SMARCAL1: variants seen among roughly 807,000 people sequenced by gnomAD.
SMARCAL1 encodes the protein SNF2 related chromatin remodeling annealing helicase 1, also known as ATP-driven annealing helicase.
A neutral mutation model predicts 94.5 loss-of-function variants in SMARCAL1; 58 were observed. That is an observed-to-expected ratio of 0.61 (90% confidence interval 0.50 to 0.76). The LOEUF (loss-of-function observed/expected upper bound fraction) is 0.76. Ranked by LOEUF, SMARCAL1 falls within the 30% of genes least tolerant of loss-of-function variation. The pLI, the probability that SMARCAL1 is intolerant of heterozygous loss-of-function variation, is 0.00. For synonymous variants in SMARCAL1, 422 were observed against 455.1 expected, an observed-to-expected ratio of 0.93 and a Z score of 0.93; for missense variants, 1,051 against 1,177.9, an observed-to-expected ratio of 0.89 and a Z score of 1.58.
At chr2:216,481,712 C>T (rs1390752840) in intron 17 of SMARCAL1, among the ~76,000 whole-genome samples, 1 of 152,018 alleles carries the variant, frequency 6.6e-6, no homozygotes, top group East Asian at 1.9e-4. Flanking sequence ...ACCACGTTGG[C>T]CAGGCTGGTC....
chr2:216,417,813 G>A (rs1693632754), intron 4 of SMARCAL1, among the ~76,000 whole-genome samples: 2 of 152,190 alleles, frequency 1.3e-5, no homozygotes, highest in Admixed American at 6.5e-5. Flanking sequence ...TTAAACCAGT[G>A]GTTTCCCCTG....
intron 5 of SMARCAL1, among the ~76,000 whole-genome samples, chr2:216,421,307 T>C (rs1016582445): frequency 1.3e-5 from 2 of 152,156 alleles, no homozygotes; most frequent in Non-Finnish European, 2.9e-5. Context: ...TTTTATTTTA[T>C]TTATTTTTGA....
intron 10 of SMARCAL1, among the ~76,000 whole-genome samples, chr2:216,444,475 A>G (rs796339776): frequency 6.6e-5 from 10 of 151,796 alleles, no homozygotes; most frequent in African/African-American, 1.9e-4. Flanking sequence ...TCTTTTTTCT[A>G]CAGTAGAACA....
intron 10 of SMARCAL1, among the ~76,000 whole-genome samples, chr2:216,441,697 A>G (rs1694199792): frequency 6.6e-6 from 1 of 152,208 alleles, no homozygotes; most frequent in Non-Finnish European, 1.5e-5. Flanking sequence ...CAGAATTGCC[A>G]GGTCAGTTTT....
chr2:216,447,989 A>C (rs1452813296), intron 11 of SMARCAL1, among the ~76,000 whole-genome samples: 1 of 152,226 alleles, frequency 6.6e-6, no homozygotes, highest in Non-Finnish European at 1.5e-5. Flanking sequence ...TTGCTGTGCA[A>C]GTACATGATA....
chr2:216,469,707 A>T (rs574336729), intron 14 of SMARCAL1, among the ~76,000 whole-genome samples: 1 of 152,052 alleles, frequency 6.6e-6, no homozygotes, highest in African/African-American at 2.4e-5. Flanking sequence ...GCATTTCTTT[A>T]TGGCTTGTGT....
chr2:216,420,665 A>G lies in SMARCAL1; in HGVS notation c.1096+133A>G, dbSNP rs181924968. ...GACTTCCTGTTCTGCTCCTCTTCCT[A>G]TAGAAAGATGACACGTTAATTGTTC... is the stretch of plus-strand genomic sequence containing the variant. On this transcript the variant is annotated intron_variant, in intron 5 of 17. Coordinates refer to ENST00000357276, the MANE Select transcript of SMARCAL1 (RefSeq NM_014140.4). 2.0e-3 allele frequency: 1,529 copies of G among 746,900 alleles called. 8 individuals are homozygous for G. Among genetic ancestry groups the G allele is most frequent in the Non-Finnish European group, 3.1e-3 (1,323 of 424,032 alleles). 46.3% of individuals were successfully genotyped at this position (746,900 alleles called of 1,614,324 possible). A position where few individuals can be genotyped will look rare whatever the true frequency, so the allele number is the denominator to read the frequency against.
In SMARCAL1 at chr2:216,413,648, A is replaced by AT. The variant is rs572382068; in HGVS notation, c.-95-197dup. 5.0e-4 allele frequency among the ~76,000 whole-genome samples: 74 copies of AT among 149,110 alleles called. No individual in the cohort carries two copies. In the South Asian group the frequency reaches 7.0e-3, roughly 14 times the overall value. ...TCTTAATTTGCACAGTGAACACATA[A>AT]TTTTTTTTTTTCTGCTCCTTATTTT... On this transcript the variant is annotated intron_variant, in intron 1 of 17. Coordinates refer to ENST00000357276, the MANE Select transcript of SMARCAL1 (RefSeq NM_014140.4).
intron 10 of SMARCAL1, among the ~76,000 whole-genome samples, chr2:216,443,997 G>T (rs1297214450): frequency 6.6e-6 from 1 of 152,174 alleles, no homozygotes; most frequent in African/African-American, 2.4e-5. Flanking sequence ...TATAGTGACT[G>T]TGATCCCACA....
At chr2:216,439,223 G>A (rs1269162968) in intron 10 of SMARCAL1, among the ~76,000 whole-genome samples, 1 of 152,064 alleles carries the variant, frequency 6.6e-6, no homozygotes. Context: ...ATGTTCTGAT[G>A]TGCAATATAG....
Position 216,432,720 on chromosome 2 carries a change from T to C in SMARCAL1, c.1337T>C (p.Phe446Ser). 6.2e-7 allele frequency: 1 copy of C among 1,614,116 alleles called. No homozygotes were observed. Among genetic ancestry groups the C allele is most frequent in the Non-Finnish European group, 8.5e-7 (1 of 1,180,028 alleles). Residue 446 changes from phenylalanine to serine, a missense_variant and splice_region_variant, in exon 8 of 18, where the codon TTT becomes TCT. Physicochemically the swap from Phe to Ser is radical, Grantham distance 155. This residue lies in a region of SMARCAL1 where 642 missense variants were observed against 754.7 expected (regional missense o/e 0.85). Transcript: ENST00000357276. Reference sequence around the variant, plus strand: ...ATCCTCACCTTGTCTGCCTTCAGTTTTGCCATAGCCAAAGGAGGCCGCCTG... The same window carrying C: ...ATCCTCACCTTGTCTGCCTTCAGTTCTGCCATAGCCAAAGGAGGCCGCCTG... Reference protein sequence around the residue: ...LMPFQRAGVNFAIAKGGRLLL... With the variant: ...LMPFQRAGVNSAIAKGGRLLL...
chr2:216,438,632 C>G, intron 10 of SMARCAL1, 147 bp downstream of exon 10: 2 of 727,872 alleles, frequency 2.7e-6, no homozygotes, highest in East Asian at 2.7e-5. Flanking sequence ...GGGCATCTGT[C>G]TCTCTCCTTA....
At chr2:216,431,725 A>G (rs1163114897) in intron 7 of SMARCAL1, among the ~76,000 whole-genome samples, 1 of 152,190 alleles carries the variant, frequency 6.6e-6, no homozygotes, top group African/African-American at 2.4e-5. Context: ...CTCCAACCCC[A>G]GCCAATCTGG....
intron 6 of SMARCAL1, among the ~76,000 whole-genome samples, chr2:216,424,367 C>T (rs925609831): frequency 3.3e-5 from 5 of 152,150 alleles, no homozygotes; most frequent in African/African-American, 7.2e-5. Context: ...AATACCAGTC[C>T]CTTATCTATC....
chr2:216,462,664 A>G (rs1694729864), intron 12 of SMARCAL1, among the ~76,000 whole-genome samples: 1 of 152,108 alleles, frequency 6.6e-6, no homozygotes, highest in Non-Finnish European at 1.5e-5. Flanking sequence ...TTTTTCCCGT[A>G]AAGTCCTGGA....
In SMARCAL1 at chr2:216,475,145, C is replaced by A; in HGVS notation, c.2245-124C>A. The A allele has an allele frequency of 2.3e-6, 2 of 853,398 alleles. No individual in the cohort carries two copies. Among genetic ancestry groups the A allele is most frequent in the Non-Finnish European group, 3.8e-6 (2 of 530,542 alleles). The allele number at this position is 853,398 out of a possible 1,614,324, so 52.9% of individuals were successfully genotyped here. ...ACCAATGTCAATTTGAAAAGAAAAG[C>A]TCTGAAGGCAGGGGCCTCTGCTGAG... On this transcript the variant is annotated intron_variant, in intron 14 of 17. Coordinates refer to ENST00000357276, the MANE Select transcript of SMARCAL1 (RefSeq NM_014140.4). This position sits in a 1 kb window ranked among gnomAD's most constrained non-coding sequence, Gnocchi z 4.4.
At chr2:216,465,078 G>A (rs747282531) in intron 13 of SMARCAL1, among the ~76,000 whole-genome samples, 2 of 152,164 alleles carry the variant, frequency 1.3e-5, no homozygotes, top group Non-Finnish European at 2.9e-5. Flanking sequence ...GAGGGAGGAC[G>A]GTCGAGGCTG....
intron 12 of SMARCAL1, among the ~76,000 whole-genome samples, chr2:216,460,229 C>T (rs1476011440): frequency 1.3e-5 from 2 of 152,212 alleles, no homozygotes; most frequent in African/African-American, 2.4e-5. Flanking sequence ...CACTTTTACA[C>T]TGTTGATGGG....
In SMARCAL1 at chr2:216,482,996, A is replaced by C. The variant is rs1326997850; in HGVS notation, c.*19A>C. ...CCTGTAAAAGGGGCAAAAAGAAAAA[A>C]ATAAAAAGCATTTTAAAATCATGGA... On this transcript the variant is annotated 3_prime_UTR_variant, in exon 18 of 18. Coordinates refer to ENST00000357276, the MANE Select transcript of SMARCAL1 (RefSeq NM_014140.4). This position sits in a 1 kb window ranked among gnomAD's most constrained non-coding sequence, Gnocchi z 4.3. The C allele has an allele frequency of 6.2e-7, 1 of 1,610,610 alleles. No homozygotes were observed. Among genetic ancestry groups the C allele is most frequent in the Non-Finnish European group, 8.5e-7 (1 of 1,179,178 alleles).
Sources: gnomAD v4.1 joint callset for allele counts (sites outside exome capture counted in the v4.1 genomes callset) on GRCh38, gnomAD v4.1.1 for gene constraint, gnomAD v4.1.1 regional missense constraint, Gnocchi (gnomAD v3.1) non-coding constraint, MANE v1.5 for transcripts, NCBI Gene and HGNC (gene_info 2026-07-23, HGNC 2026-07-21) for gene names.